Variants in CDH13 observed in about 807,000 individuals in gnomAD.
CDH13 encodes cadherin 13, also known as cadherin-13.
CDH13 carries 24 observed loss-of-function variants against 63.8 expected under a neutral mutation model. The ratio of observed to expected loss-of-function variants is 0.38; its 90% CI spans 0.27 to 0.53. CDH13 has a LOEUF of 0.53. CDH13 is among the 20% of genes least tolerant of loss of function. The pLI is 0.85. For synonymous variants in CDH13, 503 were observed against 355.3 expected, an observed-to-expected ratio of 1.42 and a Z score of -4.67; for missense variants, 1,049 against 903.1, an observed-to-expected ratio of 1.16 and a Z score of -2.07.
At chr16:83,680,837 T>A (rs1915344727) in intron 10 of CDH13, among the ~76,000 whole-genome samples, 1 of 151,918 alleles carries the variant, frequency 6.6e-6, no homozygotes, top group Non-Finnish European at 1.5e-5. Context: ...AATGGAAAAG[T>A]CCATGGGAAC....
intron 1 of CDH13, among the ~76,000 whole-genome samples, chr16:82,646,649 C>G (rs570039449): frequency 2.0e-5 from 3 of 152,068 alleles, no homozygotes; most frequent in Non-Finnish European, 4.4e-5. Context: ...GGGTTGTGAG[C>G]GATGCTTTCA....
intron 2 of CDH13, among the ~76,000 whole-genome samples, chr16:82,862,895 A>G (rs573303580): frequency 9.2e-5 from 14 of 152,318 alleles, no homozygotes; most frequent in South Asian, 2.1e-4. Context: ...TGGTCCTACC[A>G]TCTTGTAGCT....
At chr16:83,558,068 C>G (rs1009198033) in intron 7 of CDH13, among the ~76,000 whole-genome samples, 2 of 152,180 alleles carry the variant, frequency 1.3e-5, no homozygotes, top group African/African-American at 4.8e-5. Context: ...AATGCTCACA[C>G]AGTCTACAGG....
intron 7 of CDH13, among the ~76,000 whole-genome samples, chr16:83,563,758 C>G (rs1012841380): frequency 6.6e-6 from 1 of 152,114 alleles, no homozygotes. Flanking sequence ...TAACTCTCCC[C>G]AAACCAAAGC....
Position 83,695,958 on chromosome 16 carries a change from C to T in CDH13, c.1538+17497C>T, listed in dbSNP as rs1340009222. Among the ~76,000 whole-genome samples the T allele has an allele frequency of 2.6e-5, 4 of 151,462 alleles. No homozygotes were observed. In the South Asian group the frequency reaches 8.4e-4, roughly 32 times the overall value. On this transcript the variant is annotated intron_variant, in intron 10 of 13. Coordinates refer to ENST00000567109, the MANE Select transcript of CDH13 (RefSeq NM_001257.5). ...AGGATGGCCTGCAGTGGTGCAGTCT[C>T]GGCTCCCTACAACCTCTGCCTCCTG...
chr16:83,283,333 G>A (rs2089230061), intron 5 of CDH13, among the ~76,000 whole-genome samples: 1 of 152,154 alleles, frequency 6.6e-6, no homozygotes, highest in South Asian at 2.1e-4. Context: ...GCTTACTCCT[G>A]TAATCCTAGC....
intron 2 of CDH13, among the ~76,000 whole-genome samples, chr16:82,894,583 A>G (rs1378535606): frequency 2.0e-5 from 3 of 152,234 alleles, no homozygotes; most frequent in African/African-American, 7.2e-5. Flanking sequence ...CAGAGGTTGC[A>G]GTGAGCCAAG....
chr16:83,685,523 C>T lies in CDH13; in HGVS notation c.1538+7062C>T, dbSNP rs189577794. ...TATGTAGAGCCCACTGTGGGCCTGA[C>T]GCTGTGCTAGGTGCTGTAAATTCAC... On this transcript the variant is annotated intron_variant, in intron 10 of 13. Coordinates refer to ENST00000567109, the MANE Select transcript of CDH13 (RefSeq NM_001257.5). Among the ~76,000 whole-genome samples, 21 of 152,294 alleles carry T rather than the reference C, an allele frequency of 1.4e-4. 1 individual carries two copies. The East Asian group carries it at 3.1e-3, about 22-fold the overall frequency.
chr16:83,125,266 TACAGTGAACACTTTCCAA>T, intron 3 of CDH13, 101 bp from the exon 4 acceptor site: 1 of 638,562 alleles, frequency 1.6e-6, no homozygotes, highest in Non-Finnish European at 2.8e-6. Flanking sequence ...TTTGATGGAA[TACAGTGAACACTTTCCAA>T]ACAGCTGTAT....
chr16:82,969,752 A>G (rs887851605), intron 2 of CDH13, among the ~76,000 whole-genome samples: 4 of 151,972 alleles, frequency 2.6e-5, no homozygotes, highest in Non-Finnish European at 5.9e-5. Context: ...TCCGTGCACA[A>G]TATATTTTTA....
intron 1 of CDH13, among the ~76,000 whole-genome samples, chr16:82,643,896 A>C (rs927963781): frequency 2.0e-5 from 3 of 146,996 alleles, no homozygotes; most frequent in Admixed American, 1.4e-4. Flanking sequence ...ACAGGTGTGG[A>C]CCACCAGGCC....
intron 8 of CDH13, among the ~76,000 whole-genome samples, chr16:83,626,330 G>A (rs1567464357): frequency 6.6e-6 from 1 of 152,204 alleles, no homozygotes; most frequent in African/African-American, 2.4e-5. Context: ...GACACACACT[G>A]TCTGGGACCT....
chr16:82,835,973 T>G (rs2549139), intron 1 of CDH13, among the ~76,000 whole-genome samples: 1 of 152,126 alleles, frequency 6.6e-6, no homozygotes, highest in Admixed American at 6.5e-5. Flanking sequence ...CGCTCAGGTC[T>G]CGCATGTCAG....
chr16:83,621,653 A>C (rs1248207641), intron 8 of CDH13, among the ~76,000 whole-genome samples: 1 of 151,290 alleles, frequency 6.6e-6, no homozygotes, highest in Non-Finnish European at 1.5e-5. Context: ...TACCCGGCTA[A>C]TTTTTGTATT....
chr16:83,256,288 C>T (rs975175448), intron 5 of CDH13, among the ~76,000 whole-genome samples: 1 of 152,108 alleles, frequency 6.6e-6, no homozygotes, highest in Non-Finnish European at 1.5e-5. Flanking sequence ...CCACCTCAGC[C>T]TCCCAAAGTG....
At chr16:82,800,098 G>T (rs1640619508) in intron 1 of CDH13, among the ~76,000 whole-genome samples, 2 of 152,146 alleles carry the variant, frequency 1.3e-5, no homozygotes, top group Non-Finnish European at 2.9e-5. Context: ...CCTTTGGTTG[G>T]CTGTTAACTA....
intron 2 of CDH13, among the ~76,000 whole-genome samples, chr16:82,924,393 C>A (rs889763404): frequency 1.3e-5 from 2 of 152,076 alleles, no homozygotes; most frequent in Non-Finnish European, 2.9e-5. Context: ...TAGGATGAAA[C>A]CCATCTAGTA....
chr16:83,273,954 T>C (rs927813794), intron 5 of CDH13, among the ~76,000 whole-genome samples: 1 of 152,152 alleles, frequency 6.6e-6, no homozygotes, highest in African/African-American at 2.4e-5. Context: ...TACTAGTCTA[T>C]CATAGGCGGC....
intron 2 of CDH13, among the ~76,000 whole-genome samples, chr16:82,982,895 G>A (rs941996195): frequency 6.6e-6 from 1 of 152,082 alleles, no homozygotes; most frequent in African/African-American, 2.4e-5. Flanking sequence ...AGCTTTGATG[G>A]ATACCCCCAT....
Sources: allele counts gnomAD v4.1 joint callset (sites outside exome capture counted in the v4.1 genomes callset), GRCh38; gene constraint gnomAD v4.1.1; transcripts MANE v1.5; gene names NCBI Gene and HGNC (gene_info 2026-07-23, HGNC 2026-07-21).